ASPRV1: variants seen among roughly 807,000 people sequenced by gnomAD.
ASPRV1 encodes the protein retroviral-like aspartic protease 1.
Under a neutral mutation model 11.0 loss-of-function variants are expected in ASPRV1, and 7 were observed. The observed-to-expected ratio is 0.64, with a 90% CI of 0.36 to 1.20. The LOEUF is 1.20. Ranked by LOEUF, ASPRV1 falls within the 50% of genes most tolerant of loss-of-function variation. The pLI is 0.02. For missense variants in ASPRV1, 299 were observed against 320.0 expected, an observed-to-expected ratio of 0.93 and a Z score of 0.50; for synonymous variants, 136 against 138.4, an observed-to-expected ratio of 0.98 and a Z score of 0.12.
the ASPRV1 span, among the ~76,000 whole-genome samples, chr2:70,033,312 CACAT>C: frequency 1.1e-4 from 16 of 151,646 alleles, no homozygotes; most frequent in South Asian, 6.3e-4. Context: ...CACACACACA[CACAT>C]ATATGCACTC....
At chr2:70,007,288 C>G in the ASPRV1 span, among the ~76,000 whole-genome samples, 1 of 151,998 alleles carries the variant, frequency 6.6e-6, no homozygotes, top group Non-Finnish European at 1.5e-5. Context: ...GAGGCTGAGG[C>G]GGGTGGATCA....
chr2:69,969,987 C>G, the ASPRV1 span, among the ~76,000 whole-genome samples: 1 of 152,080 alleles, frequency 6.6e-6, no homozygotes, highest in Non-Finnish European at 1.5e-5. Flanking sequence ...CCGCCTTGGC[C>G]TCCCAAAGTG....
At chr2:69,959,481 C>T (rs1303724738), downstream of ASPRV1, among the ~76,000 whole-genome samples, 1 of 152,076 alleles carries the variant, frequency 6.6e-6, no homozygotes, top group African/African-American at 2.4e-5. Context: ...CGAGATGGAC[C>T]CCTAAAAGAG....
At chr2:70,015,750 C>G in the ASPRV1 span, 2 of 152,146 alleles carry the variant, frequency 1.3e-5, no homozygotes, top group Non-Finnish European at 2.9e-5. Context: ...ATCACTGGAA[C>G]TCAAGGGTTC....
chr2:70,028,113 C>T, the ASPRV1 span, among the ~76,000 whole-genome samples: 1 of 152,156 alleles, frequency 6.6e-6, no homozygotes, highest in African/African-American at 2.4e-5. Flanking sequence ...TTAGAACTCT[C>T]GCTTCCTTTC....
At chr2:70,061,926 G>C in the ASPRV1 span, among the ~76,000 whole-genome samples, 2 of 150,794 alleles carry the variant, frequency 1.3e-5, no homozygotes, top group Non-Finnish European at 2.9e-5. Context: ...TCACTCCATT[G>C]CACTGCAGCC....
At chr2:70,078,422 A>G in the ASPRV1 span, among the ~76,000 whole-genome samples, 3 of 152,262 alleles carry the variant, frequency 2.0e-5, no homozygotes, top group East Asian at 5.8e-4. Context: ...CTATGCAGAA[A>G]AAACAGGGAA....
In ASPRV1 at chr2:69,960,783, T is replaced by C. The variant is rs1678064557; in HGVS notation, c.654A>G (p.Thr218=). 1.9e-6 allele frequency: 3 copies of C among 1,614,102 alleles called. No individual in the cohort carries two copies. The highest frequency in any genetic ancestry group is 1.7e-6 in the Non-Finnish European group (2 of 1,180,012). Residue 218 remains threonine (T), a synonymous_variant, in exon 1 of 1, where the codon ACA becomes ACG. Transcript: ENST00000320256. ...GAAACTTCTTCCCTTTCAGGGTGCA[T>C]GTGCGGTGCTCAAAGTCCAGGATAG... ...HNAILDFEHR[T]CTLKGKKFRL... is the part of the protein sequence containing the mutation.
chr2:69,976,608 T>C, the ASPRV1 span: 1 of 152,238 alleles, frequency 6.6e-6, no homozygotes, highest in Non-Finnish European at 1.5e-5. Context: ...ACTGAATGAA[T>C]GGGTGACAAT....
At chr2:70,031,519 A>C in the ASPRV1 span, 1 of 152,176 alleles carries the variant, frequency 6.6e-6, no homozygotes, top group Non-Finnish European at 1.5e-5. Context: ...AACATGGTAA[A>C]ACCCCGTCTC....
chr2:69,946,152 C>T, the ASPRV1 span, among the ~76,000 whole-genome samples: 5 of 152,290 alleles, frequency 3.3e-5, no homozygotes, highest in African/African-American at 4.8e-5. Context: ...CCAACACACT[C>T]GCCTTGCCAC....
the ASPRV1 span, chr2:70,075,375 ATGAAC>A: frequency 6.7e-6 from 1 of 149,470 alleles, no homozygotes; most frequent in African/African-American, 2.5e-5. Flanking sequence ...AAAAGCAAGC[ATGAAC>A]TCAGGATGGA....
the ASPRV1 span, among the ~76,000 whole-genome samples, chr2:69,952,665 A>G: frequency 6.6e-6 from 1 of 152,118 alleles, no homozygotes; most frequent in Non-Finnish European, 1.5e-5. Context: ...GCTGTGAGTT[A>G]CCTCATCTGG....
chr2:70,087,130 G>C, the ASPRV1 span: 2 of 152,214 alleles, frequency 1.3e-5, no homozygotes, highest in Non-Finnish European at 2.9e-5. Context: ...TTTCCGCCGG[G>C]GCTGCCCATG....
the ASPRV1 span, among the ~76,000 whole-genome samples, chr2:70,054,501 C>CGGGAGGCGGAGTTTGCA: frequency 1.3e-5 from 2 of 151,470 alleles, no homozygotes; most frequent in African/African-American, 4.8e-5. Flanking sequence ...TGTGTGAACC[C>CGGGAGGCGGAGTTTGCA]GGGAGGCGGA....
chr2:70,061,577 G>C, the ASPRV1 span, among the ~76,000 whole-genome samples: 1 of 152,102 alleles, frequency 6.6e-6, no homozygotes, highest in South Asian at 2.1e-4. Flanking sequence ...AGGGGCCTGG[G>C]ATGAGACTTG....
the ASPRV1 span, among the ~76,000 whole-genome samples, chr2:70,057,004 T>C: frequency 6.6e-6 from 1 of 151,944 alleles, no homozygotes; most frequent in South Asian, 2.1e-4. Context: ...CCCAAAGTGC[T>C]AGGATTATAG....
chr2:70,073,660 TG>T, the ASPRV1 span, among the ~76,000 whole-genome samples: 1 of 152,102 alleles, frequency 6.6e-6, no homozygotes, highest in Non-Finnish European at 1.5e-5. Context: ...AACCTAAATG[TG>T]CGGCTTGTTT....
the ASPRV1 span, among the ~76,000 whole-genome samples, chr2:70,003,681 A>G: frequency 1.7e-4 from 26 of 152,206 alleles, no homozygotes; most frequent in Non-Finnish European, 3.7e-4. Flanking sequence ...CCAGCCGGCC[A>G]TGACGGCTGC....
Sources: allele counts gnomAD v4.1 joint callset (sites outside exome capture counted in the v4.1 genomes callset), GRCh38; gene constraint gnomAD v4.1.1; transcripts MANE v1.5; gene names NCBI Gene and HGNC (gene_info 2026-07-23, HGNC 2026-07-21).